The following FBXO21 variants were observed in gnomAD, a reference collection of about 807,000 sequenced individuals.
FBXO21 encodes the protein F-box only protein 21.
Under a neutral mutation model 76.6 loss-of-function variants are expected in FBXO21, and 32 were observed. The observed-to-expected ratio is 0.42, with a 90% CI of 0.32 to 0.56. FBXO21 has a LOEUF of 0.56. Ranked by LOEUF, FBXO21 falls within the 20% of genes least tolerant of loss-of-function variation. The probability of loss-of-function intolerance (pLI) is 0.16; values close to 1 mark genes in which losing one functional copy is unlikely to be tolerated. For missense variants in FBXO21, 586 were observed against 797.3 expected, an observed-to-expected ratio of 0.73 and a Z score of 3.19; for synonymous variants, 328 against 311.5, an observed-to-expected ratio of 1.05 and a Z score of -0.56.
rs145052605 is a variant in FBXO21, at chr12:117,160,087, T to C, written c.1327-2024A>G. On this transcript the variant is annotated intron_variant, in intron 9 of 11. Transcript: ENST00000622495. ...CCCATGATGCATTTCCCTATACTGC[T>C]CTTCTCCCTCTAGCCTAGGGGTTGG... is the stretch of plus-strand genomic sequence containing the variant. 8.9e-4 allele frequency among the ~76,000 whole-genome samples: 135 copies of C among 152,272 alleles called. 1 individual carries two copies. The highest frequency in any genetic ancestry group is 3.1e-3 in the African/African-American group (127 of 41,542).
At chr12:117,168,571 A>C (rs1310959616) in intron 7 of FBXO21, among the ~76,000 whole-genome samples, 1 of 151,204 alleles carries the variant, frequency 6.6e-6, no homozygotes, top group Non-Finnish European at 1.5e-5. Context: ...GGAAAGTACA[A>C]AAAAAAATAA....
In FBXO21 at chr12:117,145,951, A is replaced by T. The variant is rs1301999646; in HGVS notation, c.*136T>A. 1 of 609,204 alleles carries T rather than the reference A, an allele frequency of 1.6e-6. No individual in the cohort carries two copies. Among genetic ancestry groups the T allele is most frequent in the Non-Finnish European group, 2.8e-6 (1 of 359,144 alleles). 37.7% of individuals were successfully genotyped at this position (609,204 alleles called of 1,614,324 possible). On this transcript the variant is annotated 3_prime_UTR_variant, in exon 12 of 12. Transcript: ENST00000622495. Reference sequence around the variant, plus strand: ...GCACACGGTATTTAAACTTAGTAGGAGGCAACCAGCACTACTGGTGGAGTG... The same window carrying T: ...GCACACGGTATTTAAACTTAGTAGGTGGCAACCAGCACTACTGGTGGAGTG...
At chr12:117,148,300 G>T (rs1955802006) in intron 11 of FBXO21, among the ~76,000 whole-genome samples, 2 of 152,224 alleles carry the variant, frequency 1.3e-5, no homozygotes, top group Non-Finnish European at 2.9e-5. Context: ...CACGTCATGT[G>T]CAGAGATAAA....
At chr12:117,154,837 T>C (rs1236663494) in intron 11 of FBXO21, among the ~76,000 whole-genome samples, 1 of 152,202 alleles carries the variant, frequency 6.6e-6, no homozygotes, top group Non-Finnish European at 1.5e-5. Flanking sequence ...GAACATAATA[T>C]TGAGTTAGGT....
intron 10 of FBXO21, 131 bp downstream of exon 10, chr12:117,157,742 G>T: frequency 1.5e-6 from 1 of 655,680 alleles, no homozygotes; most frequent in Non-Finnish European, 2.4e-6. Flanking sequence ...CTTCCCCGCG[G>T]TGCGCACTCG....
rs531851904 is a variant in FBXO21, at chr12:117,160,958, A to G, written c.1327-2895T>C. 2.6e-5 allele frequency among the ~76,000 whole-genome samples: 4 copies of G among 152,306 alleles called. No individual in the cohort carries two copies. In the South Asian group the frequency reaches 8.3e-4, roughly 32 times the overall value. On this transcript the variant is annotated intron_variant, in intron 9 of 11. Transcript: ENST00000622495. ...AGTTATTTCTTAATTATTCATTTAA[A>G]CAATTTTTTGAGCTCCTATCATGGG...
intron 10 of FBXO21, 136 bp downstream of exon 10, chr12:117,157,737 C>A: frequency 1.6e-6 from 1 of 625,724 alleles, no homozygotes; most frequent in East Asian, 3.1e-5. Context: ...TCTGTCTTCC[C>A]CGCGGTGCGC....
chr12:117,189,206 G>A, intron 2 of FBXO21, 21 bp downstream of exon 2: 1 of 1,614,124 alleles, frequency 6.2e-7, no homozygotes, highest in Non-Finnish European at 8.5e-7. Flanking sequence ...AAAGCTTAGA[G>A]CCACATCAAC....
At chr12:117,156,062 A>G in intron 10 of FBXO21, 114 bp from the exon 11 acceptor site, 1 of 946,838 alleles carries the variant, frequency 1.1e-6, no homozygotes, top group Non-Finnish European at 1.7e-6. Context: ...TCCACGGTGA[A>G]TCATTTTTCA....
At chr12:117,168,779 G>A (rs867477307) in intron 7 of FBXO21, among the ~76,000 whole-genome samples, 1 of 152,234 alleles carries the variant, frequency 6.6e-6, no homozygotes, top group African/African-American at 2.4e-5. Context: ...TAGATGTGCT[G>A]CAACAATCGA....
At chr12:117,178,699 A>G (rs1956199397) in intron 3 of FBXO21, among the ~76,000 whole-genome samples, 1 of 151,740 alleles carries the variant, frequency 6.6e-6, no homozygotes, top group Non-Finnish European at 1.5e-5. Flanking sequence ...CTCTCCAGAG[A>G]CTGCAGTCTG....
Position 117,186,530 on chromosome 12 carries a change from T to C in FBXO21, c.417A>G (p.Gly139=), listed in dbSNP as rs777723994. 6.2e-7 allele frequency: 1 copy of C among 1,613,448 alleles called. No homozygotes were observed. The highest frequency in any genetic ancestry group is 8.5e-7 in the Non-Finnish European group (1 of 1,179,786). The change falls in exon 3 of 12, where the codon GGA becomes GGG. Residue 139 remains glycine, a synonymous_variant. Coordinates refer to ENST00000622495, the MANE Select transcript of FBXO21 (RefSeq NM_015002.3). The stretch of plus-strand genomic sequence containing the variant: ...GTTCATCCTCAAAAAAAATCTCTGG[T>C]CCTTCAAGGTTCTCAATGTCACTGA... ...NGFSDIENLE[G]PEIFFEDELV... is the part of the protein sequence containing the mutation.
intron 11 of FBXO21, among the ~76,000 whole-genome samples, chr12:117,154,707 T>C (rs1301251021): frequency 6.6e-6 from 1 of 152,204 alleles, no homozygotes; most frequent in African/African-American, 2.4e-5. Flanking sequence ...GCAATCCTCC[T>C]GCCTCACCCT....
intron 11 of FBXO21, among the ~76,000 whole-genome samples, chr12:117,147,670 A>G (rs1322480976): frequency 6.6e-6 from 1 of 151,940 alleles, no homozygotes; most frequent in Non-Finnish European, 1.5e-5. Flanking sequence ...CTTCCCCAGA[A>G]CACCTGGAAC....
Position 117,143,753 on chromosome 12 carries a change from C to G in FBXO21, c.*2334G>C, listed in dbSNP as rs1314335508. On this transcript the variant is annotated 3_prime_UTR_variant, in exon 12 of 12. Transcript: ENST00000622495. The stretch of plus-strand genomic sequence containing the variant: ...AAGTCATGGCTGGGCTTTCTGTCCT[C>G]AAACGAAATTGGGCAGGCCATTTGC... The G allele has an allele frequency of 6.6e-6, 1 of 152,612 alleles. No homozygotes were observed. The highest frequency in any genetic ancestry group is 1.5e-5 in the Non-Finnish European group (1 of 68,036). The allele number at this position is 152,612 out of a possible 1,614,324, so 9.5% of individuals were successfully genotyped here.
At chr12:117,185,291 T>C (rs189055635) in intron 3 of FBXO21, among the ~76,000 whole-genome samples, 1 of 152,246 alleles carries the variant, frequency 6.6e-6, no homozygotes, top group East Asian at 1.9e-4. Context: ...AGGCCTAGAA[T>C]AGTGACACAT....
intron 1 of FBXO21, among the ~76,000 whole-genome samples, chr12:117,189,597 C>T (rs1956323939): frequency 6.6e-6 from 1 of 152,024 alleles, no homozygotes; most frequent in South Asian, 2.1e-4. Flanking sequence ...ACAGTTGTAA[C>T]AACAACAACA....
chr12:117,155,492 C>T (rs1955903901), intron 11 of FBXO21: 1 of 415,696 alleles, frequency 2.4e-6, no homozygotes, highest in Non-Finnish European at 4.5e-6. Context: ...AGGGCAGGGT[C>T]CAGGAGGCAG....
chr12:117,174,873 A>G, intron 4 of FBXO21, 76 bp from the exon 5 acceptor site: 2 of 1,462,646 alleles, frequency 1.4e-6, no homozygotes, highest in South Asian at 1.3e-5. Context: ...TACCCTGGAC[A>G]TCCTGGGACA....
Sources: gnomAD v4.1 joint callset for allele counts (sites outside exome capture counted in the v4.1 genomes callset) on GRCh38, gnomAD v4.1.1 for gene constraint, MANE v1.5 for transcripts, NCBI Gene and HGNC (gene_info 2026-07-23, HGNC 2026-07-21) for gene names.